Variants in BCAS3 observed in about 807,000 individuals in gnomAD.
BCAS3 encodes the protein BCAS3 microtubule associated cell migration factor.
In BCAS3, 53 loss-of-function variants were observed where a neutral mutation model predicts 116.1. The observed-to-expected ratio is 0.46, with a 90% CI of 0.37 to 0.57. The LOEUF is 0.57. Ranked by LOEUF, BCAS3 falls within the 20% of genes least tolerant of loss-of-function variation. The pLI is 0.00. For missense variants in BCAS3, 917 were observed against 1,165.4 expected, an observed-to-expected ratio of 0.79 and a Z score of 3.10; for synonymous variants, 391 against 408.2, an observed-to-expected ratio of 0.96 and a Z score of 0.51.
intron 22 of BCAS3, among the ~76,000 whole-genome samples, chr17:61,114,889 A>G (rs373010030): frequency 8.0e-4 from 121 of 151,658 alleles, no homozygotes; most frequent in African/African-American, 1.1e-3. Flanking sequence ...TACCAAAACA[A>G]AGATATAGAT....
In BCAS3 at chr17:60,716,012, G is replaced by A. The variant is rs543306440; in HGVS notation, c.321+6687G>A. On this transcript the variant is annotated intron_variant, in intron 5 of 23. Coordinates refer to ENST00000407086, the MANE Select transcript of BCAS3 (RefSeq NM_017679.5). ...TGAGTAGCTTGAATTACGGGCATGC[G>A]CCACCACACCCAGCTAATTTTTATA... 1.2e-3 allele frequency among the ~76,000 whole-genome samples: 188 copies of A among 152,010 alleles called. No homozygotes were observed. In the Middle Eastern group the frequency reaches 0.017, roughly 14 times the overall value.
Position 60,990,749 on chromosome 17 carries a change from C to G in BCAS3, c.1486+514C>G, listed in dbSNP as rs1036785088. ...GCAACCTCTACCTCCCAGGTTCAAG[C>G]AATTCTCCTGCCTCAGCCTCCCGAG... On this transcript the variant is annotated intron_variant, in intron 15 of 23. Transcript: ENST00000407086. This position sits in a 1 kb window ranked among gnomAD's most constrained non-coding sequence, Gnocchi z 5.1. 2.0e-5 allele frequency among the ~76,000 whole-genome samples: 3 copies of G among 151,840 alleles called. No homozygotes were observed. The highest frequency in any genetic ancestry group is 2.9e-5 in the Non-Finnish European group (2 of 67,976).
At position 61,327,690 on chromosome 17, in the gene BCAS3, G is replaced by T. The variant is rs1602709595; in HGVS notation, c.2426-40637G>T. 6.6e-6 allele frequency among the ~76,000 whole-genome samples: 1 copy of T among 151,956 alleles called. No homozygotes were observed. Among genetic ancestry groups the T allele is most frequent in the Admixed American group, 6.6e-5 (1 of 15,248 alleles). ...AAACCCCACTAATTTTTGTATTTTTGGTAGAGATGGGGTTTCACCATGTTG... is the reference window on the plus strand; with the variant it reads ...AAACCCCACTAATTTTTGTATTTTTTGTAGAGATGGGGTTTCACCATGTTG... On this transcript the variant is annotated intron_variant, in intron 22 of 23. Coordinates refer to ENST00000407086, the MANE Select transcript of BCAS3 (RefSeq NM_017679.5). The surrounding 1 kb of genome is among the most constrained non-coding windows in gnomAD (Gnocchi z 5.9).
intron 23 of BCAS3, among the ~76,000 whole-genome samples, chr17:61,385,084 G>A (rs1343247146): frequency 6.6e-6 from 1 of 152,184 alleles, no homozygotes; most frequent in Non-Finnish European, 1.5e-5. Context: ...GCTGTCAGGG[G>A]CTTAGAGCCA....
chr17:60,724,183 A>T lies in BCAS3; in HGVS notation c.321+14858A>T, dbSNP rs146639014. On this transcript the variant is annotated intron_variant, in intron 5 of 23. Transcript: ENST00000407086. ...TCATGACTGTAATCCCAGCACTTTG[A>T]GAGGCCAAGGCAGGCGGGCCCCTTG... Among the ~76,000 whole-genome samples the T allele has an allele frequency of 0.014, 2,009 of 147,928 alleles. 138 individuals are homozygous for T. The East Asian group carries it at 0.21, about 15-fold the overall frequency.
At chr17:61,383,758 T>TA (rs2059714326) in intron 23 of BCAS3, 1 of 152,260 alleles carries the variant, frequency 6.6e-6, no homozygotes, top group Non-Finnish European at 1.5e-5. Flanking sequence ...AGCCACATCT[T>TA]ACCAAACTCT....
At chr17:60,901,396 ATGAG>A (rs2057885518) in intron 10 of BCAS3, among the ~76,000 whole-genome samples, 1 of 152,180 alleles carries the variant, frequency 6.6e-6, no homozygotes, top group Non-Finnish European at 1.5e-5. Flanking sequence ...TTGTGGATGA[ATGAG>A]TGAGCAAGAG....
At chr17:61,067,965 A>G (rs986722239) in intron 19 of BCAS3, among the ~76,000 whole-genome samples, 1 of 152,026 alleles carries the variant, frequency 6.6e-6, no homozygotes, top group Non-Finnish European at 1.5e-5. Flanking sequence ...TAGAGGCAGT[A>G]CTTTTGAAGT....
intron 9 of BCAS3, among the ~76,000 whole-genome samples, chr17:60,887,959 A>G (rs2056846000): frequency 6.6e-6 from 1 of 152,204 alleles, no homozygotes; most frequent in South Asian, 2.1e-4. Flanking sequence ...CTCTTTGTCC[A>G]ATAAAATTGT....
intron 19 of BCAS3, among the ~76,000 whole-genome samples, chr17:61,046,633 C>T (rs988823356): frequency 6.6e-6 from 1 of 151,508 alleles, no homozygotes; most frequent in Non-Finnish European, 1.5e-5. Flanking sequence ...TAGACATGTT[C>T]GGTAGAGACG....
In BCAS3 at chr17:61,321,946, T is replaced by G. The variant is rs60767797; in HGVS notation, c.2426-46381T>G. ...TTTTTGTTTGTTTGTTTGTTTGTTT[T>G]TTTTGAGACGGAGTTTCCCTCTTGT... is the stretch of plus-strand genomic sequence containing the variant. On this transcript the variant is annotated intron_variant, in intron 22 of 23. Coordinates refer to ENST00000407086, the MANE Select transcript of BCAS3 (RefSeq NM_017679.5). Among the ~76,000 whole-genome samples the G allele has an allele frequency of 8.5e-3, 1,297 of 152,112 alleles. 11 individuals are homozygous for G. Among genetic ancestry groups the G allele is most frequent in the African/African-American group, 0.019 (797 of 41,426 alleles).
At chr17:61,238,463 C>A (rs1054199476) in intron 22 of BCAS3, among the ~76,000 whole-genome samples, 1 of 151,840 alleles carries the variant, frequency 6.6e-6, no homozygotes, top group South Asian at 2.1e-4. Flanking sequence ...CCTCGTGATC[C>A]ACCCGCCTCA....
At chr17:60,688,088 A>G (rs1190929675) in intron 3 of BCAS3, 1 of 152,174 alleles carries the variant, frequency 6.6e-6, no homozygotes. Context: ...TTGCTTCACC[A>G]CGTTAAAGGA....
chr17:60,759,867 G>C (rs988921106), intron 6 of BCAS3, among the ~76,000 whole-genome samples: 1 of 151,998 alleles, frequency 6.6e-6, no homozygotes, highest in African/African-American at 2.4e-5. Context: ...GGGTTTCTCT[G>C]TGTTGCCCAA....
intron 7 of BCAS3, among the ~76,000 whole-genome samples, chr17:60,848,628 C>T (rs1158233595): frequency 2.0e-5 from 3 of 152,024 alleles, no homozygotes; most frequent in East Asian, 1.9e-4. Flanking sequence ...GAAAAACTTT[C>T]AGTTTTTCTT....
intron 13 of BCAS3, among the ~76,000 whole-genome samples, chr17:60,937,830 C>G (rs1049701407): frequency 6.6e-6 from 1 of 152,142 alleles, no homozygotes; most frequent in Non-Finnish European, 1.5e-5. Flanking sequence ...CAATTATTGT[C>G]TATGACATGA....
chr17:60,918,904 A>G (rs2058923519), intron 12 of BCAS3, among the ~76,000 whole-genome samples: 1 of 152,082 alleles, frequency 6.6e-6, no homozygotes, highest in African/African-American at 2.4e-5. Flanking sequence ...CATGTTAGCC[A>G]GGATGGTCCC....
rs996927644 is a variant in BCAS3 at position 61,162,082 on chromosome 17, CTGTA to C, written c.2425+77522_2425+77525del. Among the ~76,000 whole-genome samples the C allele has an allele frequency of 6.6e-6, 1 of 152,140 alleles. No individual in the cohort carries two copies. Among genetic ancestry groups the C allele is most frequent in the Non-Finnish European group, 1.5e-5 (1 of 68,026 alleles). ...TGGTTGATAGAATATAAAGTTTGAT[CTGTA>C]TGTGGATGGTTTTACTACCCCAAAT... is the stretch of plus-strand genomic sequence containing the variant. On this transcript the variant is annotated intron_variant, in intron 22 of 23. Coordinates refer to ENST00000407086, the MANE Select transcript of BCAS3 (RefSeq NM_017679.5). The surrounding 1 kb of genome is among the most constrained non-coding windows in gnomAD (Gnocchi z 5.6).
chr17:60,779,896 C>CT (rs1398121416), intron 6 of BCAS3, among the ~76,000 whole-genome samples: 1 of 151,962 alleles, frequency 6.6e-6, no homozygotes, highest in Non-Finnish European at 1.5e-5. Context: ...CTTTGAAAAA[C>CT]AGGAGATAAG....
Sources: allele counts gnomAD v4.1 joint callset (sites outside exome capture counted in the v4.1 genomes callset), GRCh38; gene constraint gnomAD v4.1.1; non-coding constraint Gnocchi (gnomAD v3.1); transcripts MANE v1.5; gene names NCBI Gene and HGNC (gene_info 2026-07-23, HGNC 2026-07-21).